SFMBT2: variants seen among roughly 807,000 people sequenced by gnomAD.
SFMBT2 encodes scm-like with four MBT domains protein 2.
Under a neutral mutation model 110.1 loss-of-function variants are expected in SFMBT2, and 38 were observed. That is an observed-to-expected ratio of 0.35 (90% confidence interval 0.27 to 0.45). The LOEUF is 0.45. Ranked by LOEUF, SFMBT2 falls within the 20% of genes least tolerant of loss-of-function variation. The probability of loss-of-function intolerance (pLI) is 1.00; values close to 1 mark genes in which losing one functional copy is unlikely to be tolerated. For synonymous variants in SFMBT2, 425 were observed against 425.4 expected (o/e 1.00, Z 0.01); for missense variants, 1,011 against 1,094.9 (o/e 0.92, Z 1.08).
Position 7,367,498 on chromosome 10 carries a change from GAAACCTGAGAAACCACTCTGA to G in SFMBT2, c.436+130_436+150del. The G allele has an allele frequency of 7.6e-7, 1 of 1,320,964 alleles. No homozygotes were observed. The highest frequency in any genetic ancestry group is 1.0e-6 in the Non-Finnish European group (1 of 994,550). The allele number at this position is 1,320,964 out of a possible 1,614,324, so 81.8% of individuals were successfully genotyped here. A position where few individuals can be genotyped will look rare whatever the true frequency, so the allele number is the denominator to read the frequency against. On this transcript the variant is annotated intron_variant, in intron 4 of 20. Coordinates refer to ENST00000397167, the MANE Select transcript of SFMBT2 (RefSeq NM_001387889.1). The surrounding 1 kb of genome is among the most constrained non-coding windows in gnomAD (Gnocchi z 6.2). ...ATGCACTGATCTCCCTCCAGCTAAGGAAACCTGAGAAACCACTCTGAAAGAACTGTGAGACCTTTGCACTAA... is the reference window on the plus strand; with the variant it reads ...ATGCACTGATCTCCCTCCAGCTAAGGAAGAACTGTGAGACCTTTGCACTAA...
intron 8 of SFMBT2, among the ~76,000 whole-genome samples, chr10:7,245,604 C>T (rs1040825993): frequency 2.0e-5 from 3 of 152,214 alleles, no homozygotes; most frequent in African/African-American, 7.2e-5. Context: ...CTGACTTGCC[C>T]AAGACTGCAC....
intron 4 of SFMBT2, chr10:7,320,531 G>T (rs2131932329): frequency 1.1e-6 from 1 of 900,928 alleles, no homozygotes; most frequent in South Asian, 5.1e-5. Context: ...TCTTATGAAA[G>T]GAACCATTTC....
chr10:7,184,399 T>C (rs540508940), intron 16 of SFMBT2, among the ~76,000 whole-genome samples: 22 of 152,250 alleles, frequency 1.4e-4, no homozygotes, highest in South Asian at 6.2e-4. Flanking sequence ...TCTTCTCTTG[T>C]CTGCCACCAT....
At position 7,298,759 on chromosome 10, in the gene SFMBT2, ATGTG is replaced by A. The variant is rs377673152; in HGVS notation, c.437-12809_437-12806del. The stretch of plus-strand genomic sequence containing the variant: ...TGTATGTGTATATGTGTGTGTGCAT[ATGTG>A]TGTGTTCGTGTGTGTGTGTGTATAT... On this transcript the variant is annotated intron_variant, in intron 4 of 20. Transcript: ENST00000397167. Among the ~76,000 whole-genome samples, 1,006 of 152,024 alleles carry A rather than the reference ATGTG, an allele frequency of 6.6e-3. 15 individuals carry two copies. Among genetic ancestry groups the A allele is most frequent in the African/African-American group, 0.023 (957 of 41,482 alleles).
intron 1 of SFMBT2, among the ~76,000 whole-genome samples, chr10:7,410,554 A>G (rs1846346584): frequency 2.0e-5 from 3 of 152,140 alleles, no homozygotes; most frequent in Admixed American, 6.5e-5. Flanking sequence ...CCGAGCCCGG[A>G]GACGCAGGCG....
intron 4 of SFMBT2, among the ~76,000 whole-genome samples, chr10:7,366,874 C>G (rs1205844354): frequency 1.3e-5 from 2 of 152,188 alleles, no homozygotes; most frequent in Non-Finnish European, 2.9e-5. Flanking sequence ...CCTCCACCCA[C>G]TAAATGGTAG....
intron 1 of SFMBT2, among the ~76,000 whole-genome samples, chr10:7,397,898 G>A (rs1216469136): frequency 6.6e-6 from 1 of 152,190 alleles, no homozygotes; most frequent in Non-Finnish European, 1.5e-5. Flanking sequence ...CAACTAAGAA[G>A]AGACAAGCCC....
intron 4 of SFMBT2, among the ~76,000 whole-genome samples, chr10:7,317,506 T>C (rs1052949373): frequency 2.6e-5 from 4 of 151,960 alleles, no homozygotes; most frequent in African/African-American, 7.2e-5. Flanking sequence ...CCAGGCGTGG[T>C]GGCGCATGCC....
intron 4 of SFMBT2, among the ~76,000 whole-genome samples, chr10:7,350,753 C>A (rs1844287226): frequency 6.6e-6 from 1 of 152,188 alleles, no homozygotes; most frequent in African/African-American, 2.4e-5. Context: ...CAGGTTTTTA[C>A]AATCTTGTTT....
intron 15 of SFMBT2, chr10:7,188,982 G>T (rs1480376323): frequency 4.1e-6 from 1 of 246,452 alleles, no homozygotes; most frequent in Non-Finnish European, 6.5e-6. Context: ...ACTCTCTAGA[G>T]GGGGTGGCAG....
At chr10:7,331,172 G>A (rs1469154960) in intron 4 of SFMBT2, among the ~76,000 whole-genome samples, 1 of 152,230 alleles carries the variant, frequency 6.6e-6, no homozygotes, top group East Asian at 1.9e-4. Flanking sequence ...TGTAAAGAAG[G>A]AAAAATTACA....
At chr10:7,247,306 G>A (rs112895958) in intron 8 of SFMBT2, among the ~76,000 whole-genome samples, 2,126 of 152,122 alleles carry the variant, frequency 0.014, 22 homozygotes, top group South Asian at 0.046. Flanking sequence ...TAGTAGAGAC[G>A]GGGTTTCACC....
At chr10:7,312,921 G>A (rs1159960641) in intron 4 of SFMBT2, among the ~76,000 whole-genome samples, 1 of 152,168 alleles carries the variant, frequency 6.6e-6, no homozygotes, top group Non-Finnish European at 1.5e-5. Flanking sequence ...TGGGATTGGG[G>A]ATGCTTCCAG....
chr10:7,297,556 C>T (rs1564427203), intron 4 of SFMBT2, among the ~76,000 whole-genome samples: 1 of 151,934 alleles, frequency 6.6e-6, no homozygotes, highest in Non-Finnish European at 1.5e-5. Context: ...GGAGGAGAAG[C>T]AGGAGGAGGA....
At chr10:7,366,339 C>G (rs1480337850) in intron 4 of SFMBT2, among the ~76,000 whole-genome samples, 1 of 151,674 alleles carries the variant, frequency 6.6e-6, no homozygotes, top group Admixed American at 6.6e-5. Context: ...ATTTTATGAC[C>G]CCCTTCTTAG....
At position 7,162,428 on chromosome 10, in the gene SFMBT2, CAG is replaced by C. The variant is rs537295888; in HGVS notation, c.*1340_*1341del. On this transcript the variant is annotated 3_prime_UTR_variant, in exon 21 of 21. Coordinates refer to ENST00000397167, the MANE Select transcript of SFMBT2 (RefSeq NM_001387889.1). ...AGTGATGAGAAGTCACCCAAGATCT[CAG>C]AGTTTGTTCTCAGCGAAACCAGGGT... The C allele has an allele frequency of 1.9e-4, 29 of 152,448 alleles. No individual in the cohort carries two copies. Among genetic ancestry groups the C allele is most frequent in the African/African-American group, 7.0e-4 (29 of 41,566 alleles). 9.4% of individuals were successfully genotyped at this position (152,448 alleles called of 1,614,324 possible).
At chr10:7,234,929 C>A (rs1252058897) in intron 9 of SFMBT2, among the ~76,000 whole-genome samples, 1 of 152,154 alleles carries the variant, frequency 6.6e-6, no homozygotes, top group Admixed American at 6.5e-5. Context: ...TGGCCCCAGG[C>A]AGCAGCCCAG....
intron 15 of SFMBT2, among the ~76,000 whole-genome samples, chr10:7,195,865 G>A (rs1387237099): frequency 6.6e-6 from 1 of 152,082 alleles, no homozygotes; most frequent in Non-Finnish European, 1.5e-5. Flanking sequence ...TGTGGGCCAG[G>A]GACCACCTGC....
At position 7,293,558 on chromosome 10, in the gene SFMBT2, C is replaced by T. The variant is rs1257144297; in HGVS notation, c.437-7604G>A. Among the ~76,000 whole-genome samples, 1 of 152,106 alleles carries T rather than the reference C, an allele frequency of 6.6e-6. No homozygotes were observed. Among genetic ancestry groups the T allele is most frequent in the Non-Finnish European group, 1.5e-5 (1 of 68,016 alleles). On this transcript the variant is annotated intron_variant, in intron 4 of 20. Transcript: ENST00000397167. The surrounding 1 kb of genome is among the most constrained non-coding windows in gnomAD (Gnocchi z 4.6). ...GAGGCAGATTCAAGGGATGCAAATA[C>T]CAAGGGCAAGCTCCACTGGCCCTCA... is the stretch of plus-strand genomic sequence containing the variant.
Sources: gnomAD v4.1 joint callset for allele counts (sites outside exome capture counted in the v4.1 genomes callset) on GRCh38, gnomAD v4.1.1 for gene constraint, Gnocchi (gnomAD v3.1) non-coding constraint, MANE v1.5 for transcripts, NCBI Gene and HGNC (gene_info 2026-07-23, HGNC 2026-07-21) for gene names.